The following ATRNL1 variants were observed in gnomAD, a reference collection of about 807,000 sequenced individuals.
The protein encoded by ATRNL1 is attractin like 1.
ATRNL1 carries 95 observed loss-of-function variants against 182.7 expected under a neutral mutation model. That is an observed-to-expected ratio of 0.52 (90% CI 0.44 to 0.62). The LOEUF is 0.62. Among genes scored for constraint, ATRNL1 ranks in the 20% least tolerant of loss-of-function variants. The probability of loss-of-function intolerance (pLI) is 0.00; values close to 1 mark genes in which losing one functional copy is unlikely to be tolerated. For synonymous variants in ATRNL1, 576 were observed against 568.3 expected (o/e 1.01, Z -0.19); for missense variants, 1,471 against 1,679.5 (o/e 0.88, Z 2.17).
intron 5 of ATRNL1, among the ~76,000 whole-genome samples, chr10:115,130,394 A>G (rs1349390434): frequency 6.6e-6 from 1 of 152,128 alleles, no homozygotes; most frequent in East Asian, 1.9e-4. Context: ...CATACTCTTC[A>G]TGAAGTTGTA....
At chr10:115,120,679 G>A (rs114996669) in intron 2 of ATRNL1, among the ~76,000 whole-genome samples, 1,807 of 152,088 alleles carry the variant, frequency 0.012, 35 homozygotes, top group African/African-American at 0.04. Context: ...TTCATTTAGA[G>A]GTATTTTCAG....
chr10:115,599,748 A>G (rs1555015340), intron 26 of ATRNL1, among the ~76,000 whole-genome samples: 1 of 152,188 alleles, frequency 6.6e-6, no homozygotes, highest in African/African-American at 2.4e-5. Flanking sequence ...AAGATGCTTT[A>G]GAACTCCCAA....
At chr10:115,448,789 T>C (rs1213890955) in intron 21 of ATRNL1, among the ~76,000 whole-genome samples, 1 of 152,120 alleles carries the variant, frequency 6.6e-6, no homozygotes, top group Non-Finnish European at 1.5e-5. Flanking sequence ...GCTAGACTTA[T>C]TTTTGCAGTT....
intron 22 of ATRNL1, 42 bp from the exon 23 acceptor site, chr10:115,467,132 G>A: frequency 9.0e-7 from 1 of 1,117,046 alleles, no homozygotes; most frequent in Non-Finnish European, 1.4e-6. Context: ...TATATCTAGT[G>A]TAATTTTCGT....
chr10:115,653,720 AT>A (rs1164664891), intron 26 of ATRNL1, among the ~76,000 whole-genome samples: 1 of 152,122 alleles, frequency 6.6e-6, no homozygotes, highest in Non-Finnish European at 1.5e-5. Context: ...TTTCCTGTTT[AT>A]TCATTTCTCT....
At chr10:115,711,335 T>G (rs148117815) in intron 26 of ATRNL1, among the ~76,000 whole-genome samples, 1 of 152,164 alleles carries the variant, frequency 6.6e-6, no homozygotes, top group East Asian at 1.9e-4. Context: ...CAAACCAAAC[T>G]CACATCATCT....
intron 9 of ATRNL1, among the ~76,000 whole-genome samples, chr10:115,234,440 T>TA (rs1850087133): frequency 6.6e-6 from 1 of 151,976 alleles, no homozygotes; most frequent in African/African-American, 2.4e-5. Context: ...ATATATTTAC[T>TA]AAAAAACAAA....
chr10:115,116,649 T>A (rs147276602), intron 1 of ATRNL1, among the ~76,000 whole-genome samples: 222 of 152,212 alleles, frequency 1.5e-3, no homozygotes, highest in Non-Finnish European at 2.5e-3. Flanking sequence ...GTTCTTTCTT[T>A]ATTATAGAAG....
At chr10:115,899,206 A>T (rs1952286161) in intron 28 of ATRNL1, among the ~76,000 whole-genome samples, 1 of 151,980 alleles carries the variant, frequency 6.6e-6, no homozygotes, top group African/African-American at 2.4e-5. Flanking sequence ...TCATTGTTCA[A>T]TTCCCATCTA....
intron 27 of ATRNL1, among the ~76,000 whole-genome samples, chr10:115,749,629 C>T (rs1243515616): frequency 6.6e-6 from 1 of 151,722 alleles, no homozygotes; most frequent in Admixed American, 6.6e-5. Flanking sequence ...TATTTCAGCT[C>T]TCATGCATTC....
At chr10:115,646,392 C>T (rs1859617414) in intron 26 of ATRNL1, among the ~76,000 whole-genome samples, 1 of 152,088 alleles carries the variant, frequency 6.6e-6, no homozygotes. Context: ...ATGTTTTCCT[C>T]CATATAGTGT....
chr10:115,828,786 G>T (rs1305860296), intron 27 of ATRNL1, among the ~76,000 whole-genome samples: 1 of 152,132 alleles, frequency 6.6e-6, no homozygotes, highest in Non-Finnish European at 1.5e-5. Context: ...CCTCGATCTA[G>T]TCTGTGCGAG....
chr10:115,436,489 A>G (rs1846411445), intron 21 of ATRNL1, among the ~76,000 whole-genome samples: 1 of 152,156 alleles, frequency 6.6e-6, no homozygotes, highest in Non-Finnish European at 1.5e-5. Context: ...TATGATATCT[A>G]GCAAATGCTG....
At chr10:115,761,470 C>T (rs1477374664) in intron 27 of ATRNL1, among the ~76,000 whole-genome samples, 1 of 306 alleles carries the variant, frequency 3.3e-3, no homozygotes, top group African/African-American at 5.6e-3. Flanking sequence ...AAATAACTTC[C>T]CCCCCAGTTA....
chr10:115,761,679 G>A (rs1266257462), intron 27 of ATRNL1, among the ~76,000 whole-genome samples: 1 of 152,076 alleles, frequency 6.6e-6, no homozygotes, highest in Non-Finnish European at 1.5e-5. Context: ...TTTTGTGAGT[G>A]GTGTGTTAGA....
chr10:115,482,691 A>G (rs1554974376), intron 24 of ATRNL1, among the ~76,000 whole-genome samples: 1 of 151,186 alleles, frequency 6.6e-6, no homozygotes, highest in Non-Finnish European at 1.5e-5. Context: ...CAGTCCCAAG[A>G]ATTAGAGCTT....
rs1470439783 is a variant in ATRNL1, at chr10:115,586,516, A to C, written c.3795+36980A>C. ...CATTTCATTCATTTCGTCTTCCATC[A>C]CTGATACCCTTTCTTCCAGTTGTTC... On this transcript the variant is annotated intron_variant, in intron 26 of 28. Transcript: ENST00000355044. Among the ~76,000 whole-genome samples, 31 of 93,206 alleles carry C rather than the reference A, an allele frequency of 3.3e-4. 2 individuals are homozygous for C. Among genetic ancestry groups the C allele is most frequent in the African/African-American group, 8.7e-4 (30 of 34,594 alleles). 61.1% of individuals were successfully genotyped at this position (93,206 alleles called of 152,430 possible).
chr10:115,374,450 T>TC (rs1857557990), intron 19 of ATRNL1, among the ~76,000 whole-genome samples: 2 of 124,704 alleles, frequency 1.6e-5, no homozygotes, highest in African/African-American at 5.8e-5. Flanking sequence ...TCTCCTTCCT[T>TC]CCTTTCCTTC....
intron 15 of ATRNL1, among the ~76,000 whole-genome samples, chr10:115,291,220 A>G (rs1554920760): frequency 6.6e-6 from 1 of 152,196 alleles, no homozygotes; most frequent in Non-Finnish European, 1.5e-5. Context: ...CTTGTATAAG[A>G]GTCTTAAGGT....
Sources: gnomAD v4.1 joint callset for allele counts (sites outside exome capture counted in the v4.1 genomes callset) on GRCh38, gnomAD v4.1.1 for gene constraint, MANE v1.5 for transcripts, NCBI Gene and HGNC (gene_info 2026-07-23, HGNC 2026-07-21) for gene names.